Variants in JMJD1C observed in about 807,000 individuals in gnomAD.
JMJD1C encodes the protein jumonji domain-containing protein 1C.
Under a neutral mutation model 245.3 loss-of-function variants are expected in JMJD1C, and 31 were observed. The ratio of observed to expected loss-of-function variants is 0.13; its 90% CI spans 0.09 to 0.17. JMJD1C has a LOEUF of 0.17. Ranked by LOEUF, JMJD1C falls within the 10% of genes least tolerant of loss-of-function variation. JMJD1C has a pLI of 1.00. For synonymous variants in JMJD1C, 1,057 were observed against 1,017.4 expected, an observed-to-expected ratio of 1.04 and a Z score of -0.74; for missense variants, 2,691 against 3,000.2, an observed-to-expected ratio of 0.90 and a Z score of 2.41.
At chr10:63,471,177 C>G (rs1359665546) in intron 1 of JMJD1C, among the ~76,000 whole-genome samples, 1 of 152,206 alleles carries the variant, frequency 6.6e-6, no homozygotes, top group Non-Finnish European at 1.5e-5. Context: ...ATTAATCTTA[C>G]AAGCTTTCAC....
chr10:63,400,349 A>T (rs1455129147), intron 1 of JMJD1C, among the ~76,000 whole-genome samples: 1 of 152,296 alleles, frequency 6.6e-6, no homozygotes, highest in South Asian at 2.1e-4. Flanking sequence ...GCATTCCAAT[A>T]AACAACATGT....
At chr10:63,222,601 T>A in intron 3 of JMJD1C, 2 of 1,596,982 alleles carry the variant, frequency 1.3e-6, no homozygotes, top group Non-Finnish European at 1.7e-6. Context: ...TGTTTCTTCA[T>A]TGTCGAAACT....
intron 1 of JMJD1C, among the ~76,000 whole-genome samples, chr10:63,446,798 T>C (rs942586249): frequency 5.3e-5 from 8 of 152,172 alleles, no homozygotes. Flanking sequence ...GCAGTTTCCT[T>C]GGAGTAATGG....
chr10:63,296,983 C>T (rs921062106), intron 2 of JMJD1C, among the ~76,000 whole-genome samples: 3 of 152,194 alleles, frequency 2.0e-5, no homozygotes, highest in Non-Finnish European at 4.4e-5. Flanking sequence ...TTATTCCCTT[C>T]TTGAACCATA....
At chr10:63,169,053 C>A (rs1476820045) in intron 24 of JMJD1C, among the ~76,000 whole-genome samples, 1 of 152,076 alleles carries the variant, frequency 6.6e-6, no homozygotes, top group African/African-American at 2.4e-5. Flanking sequence ...AAAATGTAGT[C>A]CCAGACAGAT....
intron 10 of JMJD1C, chr10:63,203,714 G>C (rs2133111040): frequency 1.0e-6 from 1 of 983,108 alleles, no homozygotes; most frequent in Non-Finnish European, 1.2e-6. Context: ...CATTCCAAAA[G>C]AGTAGATAAG....
At chr10:63,254,190 A>AAAC (rs1564689287) in intron 3 of JMJD1C, among the ~76,000 whole-genome samples, 5 of 152,094 alleles carry the variant, frequency 3.3e-5, no homozygotes, top group East Asian at 3.9e-4. Flanking sequence ...CACAACCAAA[A>AAAC]AAACAAACAA....
At chr10:63,241,272 C>T (rs1189995516) in intron 3 of JMJD1C, among the ~76,000 whole-genome samples, 2 of 152,184 alleles carry the variant, frequency 1.3e-5, no homozygotes, top group Non-Finnish European at 1.5e-5. Context: ...ACTGAATGCT[C>T]CTTTTTCACC....
Position 63,185,114 on chromosome 10 carries a change from G to C in JMJD1C, c.6831-376C>G, listed in dbSNP as rs898474748. 3.9e-5 allele frequency among the ~76,000 whole-genome samples: 6 copies of C among 151,952 alleles called. No homozygotes were observed. In the East Asian group the frequency reaches 1.2e-3, roughly 29 times the overall value. On this transcript the variant is annotated intron_variant, in intron 20 of 25. Coordinates refer to ENST00000399262, the MANE Select transcript of JMJD1C (RefSeq NM_032776.3). ...AACATAAAGATTTTCCCACTGCTGA[G>C]GCTACCAACTCAGTTTTGCTATCAA...
chr10:63,210,804 A>G (rs963442081), intron 8 of JMJD1C, among the ~76,000 whole-genome samples: 26 of 152,218 alleles, frequency 1.7e-4, no homozygotes, highest in African/African-American at 5.8e-4. Flanking sequence ...CTATTCTGGT[A>G]AAGAGGATAA....
chr10:63,352,857 G>A (rs1013958207), intron 2 of JMJD1C, among the ~76,000 whole-genome samples: 4 of 152,106 alleles, frequency 2.6e-5, no homozygotes, highest in Non-Finnish European at 5.9e-5. Flanking sequence ...CTTTTTATGA[G>A]TGTGTTCTAC....
chr10:63,497,407 A>G (rs1200887997), intron 1 of JMJD1C, among the ~76,000 whole-genome samples: 1 of 152,218 alleles, frequency 6.6e-6, no homozygotes, highest in East Asian at 1.9e-4. Context: ...AAGACCACAT[A>G]TTATATGATT....
chr10:63,181,661 G>A (rs1309465450), intron 22 of JMJD1C, among the ~76,000 whole-genome samples: 6 of 152,126 alleles, frequency 3.9e-5, no homozygotes, highest in South Asian at 2.1e-4. Context: ...AAATTTTCTC[G>A]AAAGAAATAT....
intron 4 of JMJD1C, among the ~76,000 whole-genome samples, chr10:63,218,870 C>T (rs150498547): frequency 3.3e-5 from 5 of 152,154 alleles, no homozygotes; most frequent in Non-Finnish European, 5.9e-5. Context: ...AAATCTTCGA[C>T]GTTTATAAGA....
intron 1 of JMJD1C, among the ~76,000 whole-genome samples, chr10:63,447,806 G>A (rs1053350000): frequency 2.0e-5 from 3 of 151,930 alleles, no homozygotes; most frequent in Non-Finnish European, 4.4e-5. Flanking sequence ...GGGTATGGTG[G>A]CACACACCTG....
At chr10:63,410,515 T>C (rs1162630912) in intron 1 of JMJD1C, among the ~76,000 whole-genome samples, 1 of 152,146 alleles carries the variant, frequency 6.6e-6, no homozygotes, top group Non-Finnish European at 1.5e-5. Context: ...TATGAAGAAC[T>C]GGAAAAACCT....
chr10:63,347,212 G>T lies in JMJD1C; in HGVS notation c.333+33106C>A, dbSNP rs1943907731. ...GCCTCCCAAGTAGCTAAGATTACAGGTACCTGCCACCATGCTTGGCTAATT... is the reference window on the plus strand; with the variant it reads ...GCCTCCCAAGTAGCTAAGATTACAGTTACCTGCCACCATGCTTGGCTAATT... On this transcript the variant is annotated intron_variant, in intron 2 of 25. Transcript: ENST00000399262. Among the ~76,000 whole-genome samples, 3 of 151,726 alleles carry T rather than the reference G, an allele frequency of 2.0e-5. No individual in the cohort carries two copies. The South Asian group carries it at 6.2e-4, about 32-fold the overall frequency.
At chr10:63,452,916 A>G (rs1466185099) in intron 1 of JMJD1C, among the ~76,000 whole-genome samples, 1 of 152,204 alleles carries the variant, frequency 6.6e-6, no homozygotes, top group Non-Finnish European at 1.5e-5. Context: ...AACTTCTGAC[A>G]ATGGATAGTA....
At chr10:63,414,317 GA>G (rs1036060913) in intron 1 of JMJD1C, among the ~76,000 whole-genome samples, 2 of 152,076 alleles carry the variant, frequency 1.3e-5, no homozygotes, top group African/African-American at 4.8e-5. Context: ...TAAACACTAA[GA>G]AAACTGAATC....
Sources: allele counts gnomAD v4.1 joint callset (sites outside exome capture counted in the v4.1 genomes callset), GRCh38; gene constraint gnomAD v4.1.1; transcripts MANE v1.5; gene names NCBI Gene and HGNC (gene_info 2026-07-23, HGNC 2026-07-21).